ANKRD24: variants seen among roughly 807,000 people sequenced by gnomAD.
The protein encoded by ANKRD24 is ankyrin repeat domain 24, also known as ankyrin repeat domain-containing protein 24.
In ANKRD24, 109 loss-of-function variants were observed where a neutral mutation model predicts 127.8. The ratio of observed to expected loss-of-function variants is 0.85; its 90% CI spans 0.73 to 1.00. The LOEUF is 1.00. Ranked by LOEUF, ANKRD24 falls within the 50% of genes least tolerant of loss-of-function variation. ANKRD24 has a pLI of 0.00. For synonymous variants in ANKRD24, 743 were observed against 671.1 expected (o/e 1.11, Z -1.66); for missense variants, 1,648 against 1,570.2 (o/e 1.05, Z -0.84).
Position 4,207,605 on chromosome 19 carries a change from C to G in ANKRD24, c.642C>G (p.Gly214=), listed in dbSNP as rs762394605. The change falls in exon 9 of 22, where the codon GGC becomes GGG. Residue 214 remains glycine, a splice_region_variant and synonymous_variant. Coordinates refer to ENST00000318934, the MANE Select transcript of ANKRD24 (RefSeq NM_001393985.1). ...CCGCGAACGATCAGGACCTGCAAGG[C>G]AGGTGAGCATCTCCCCTCCCAGCCA... ...GAAANDQDLQ[G]RTALMLACEG... is the part of the protein sequence containing the mutation. 1.2e-6 allele frequency: 2 copies of G among 1,613,756 alleles called. No individual in the cohort carries two copies. The highest frequency in any genetic ancestry group is 2.2e-5 in the South Asian group (2 of 91,082).
At chr19:4,219,820 A>G (rs1313252656) in intron 19 of ANKRD24, 62 bp downstream of exon 19, 6 of 1,500,208 alleles carry the variant, frequency 4.0e-6, no homozygotes, top group South Asian at 1.3e-5. Flanking sequence ...GTTGGGGCCA[A>G]TCTACGAAGG....
chr19:4,206,523 G>T (rs1282313818), intron 7 of ANKRD24, among the ~76,000 whole-genome samples: 3 of 151,822 alleles, frequency 2.0e-5, no homozygotes, highest in Non-Finnish European at 2.9e-5. Flanking sequence ...CTTGTAGTGT[G>T]GGTCTCATTC....
intron 15 of ANKRD24, among the ~76,000 whole-genome samples, 190 bp from the exon 16 acceptor site, chr19:4,215,788 A>AT (rs1230710856): frequency 1.3e-5 from 2 of 149,698 alleles, no homozygotes; most frequent in African/African-American, 2.5e-5. Flanking sequence ...AAAAAAAAAA[A>AT]GTGGCACGGG....
chr19:4,224,743 C>T lies in ANKRD24; in HGVS notation c.*238C>T, dbSNP rs1200101553. ...GCCGTGACTGCCCCTCCCCCACCAC[C>T]GGAGACTGTGATTCCCTGTGTCCTC... On this transcript the variant is annotated 3_prime_UTR_variant, in exon 22 of 22. Transcript: ENST00000318934. The T allele has an allele frequency of 8.9e-6, 5 of 561,898 alleles. No individual in the cohort carries two copies. The highest frequency in any genetic ancestry group is 3.8e-5 in the African/African-American group (2 of 53,062). 34.8% of individuals were successfully genotyped at this position (561,898 alleles called of 1,614,324 possible). A position where few individuals can be genotyped will look rare whatever the true frequency, so the allele number is the denominator to read the frequency against.
rs377015655 is a variant in ANKRD24, at chr19:4,207,610, G to A, written c.644+3G>A. ...AACGATCAGGACCTGCAAGGCAGGTGAGCATCTCCCCTCCCAGCCAGTCCA... is the reference window on the plus strand; with the variant it reads ...AACGATCAGGACCTGCAAGGCAGGTAAGCATCTCCCCTCCCAGCCAGTCCA... On this transcript the variant is annotated splice_donor_region_variant and intron_variant, in intron 9 of 21. Coordinates refer to ENST00000318934, the MANE Select transcript of ANKRD24 (RefSeq NM_001393985.1). 71 of 1,612,670 alleles carry A rather than the reference G, an allele frequency of 4.4e-5. No homozygotes were observed. The highest frequency in any genetic ancestry group is 5.9e-5 in the Non-Finnish European group (70 of 1,178,840).
chr19:4,206,623 G>A (rs971021434), intron 7 of ANKRD24, among the ~76,000 whole-genome samples: 7 of 152,118 alleles, frequency 4.6e-5, no homozygotes, highest in Middle Eastern at 3.4e-3. Context: ...GCGAGACCCC[G>A]TCTCTACAAA....
rs562209248 is a variant in ANKRD24 at position 4,195,234 on chromosome 19, G to A, written c.37-4449G>A. ...ACTACAGGCGCCCACCACCACGCCCGGCTAATTTTTTGTATTTTTAGTAGA... is the reference window on the plus strand; with the variant it reads ...ACTACAGGCGCCCACCACCACGCCCAGCTAATTTTTTGTATTTTTAGTAGA... On this transcript the variant is annotated intron_variant, in intron 2 of 21. Coordinates refer to ENST00000318934, the MANE Select transcript of ANKRD24 (RefSeq NM_001393985.1). The surrounding 1 kb of genome is among the most constrained non-coding windows in gnomAD (Gnocchi z 4.2). 1.2e-4 allele frequency among the ~76,000 whole-genome samples: 18 copies of A among 152,014 alleles called. No individual in the cohort carries two copies. The highest frequency in any genetic ancestry group is 4.2e-4 in the South Asian group (2 of 4,814).
chr19:4,207,533 G>T lies in ANKRD24; in HGVS notation c.570G>T (p.Gln190His). 1.2e-6 allele frequency: 2 copies of T among 1,613,966 alleles called. No individual in the cohort carries two copies. Among genetic ancestry groups the T allele is most frequent in the Non-Finnish European group, 1.7e-6 (2 of 1,179,900 alleles). Residue 190 changes from glutamine (Q) to histidine (H), a missense_variant, in exon 9 of 22, where the codon CAG becomes CAT. Coordinates refer to ENST00000318934, the MANE Select transcript of ANKRD24 (RefSeq NM_001393985.1). Reference protein sequence around the residue: ...SGATPLIIAAQMCHTDLCRLL... With the variant: ...SGATPLIIAAHMCHTDLCRLL... Reference sequence around the variant, plus strand: ...CAACACCCCTCATTATAGCAGCTCAGATGTGTCACACAGACCTGTGCCGTC... The same window carrying T: ...CAACACCCCTCATTATAGCAGCTCATATGTGTCACACAGACCTGTGCCGTC...
chr19:4,182,965 T>TTGTGTGTG (rs57280997), intron 1 of ANKRD24, among the ~76,000 whole-genome samples: 6,942 of 138,554 alleles, frequency 0.05, 207 homozygotes, highest in Non-Finnish European at 0.06. Flanking sequence ...AATATCTCAT[T>TTGTGTGTG]TGTGTGTGTG....
chr19:4,197,369 T>G (rs1599411757), intron 2 of ANKRD24, among the ~76,000 whole-genome samples: 1 of 58,360 alleles, frequency 1.7e-5, no homozygotes, highest in East Asian at 4.6e-4. Flanking sequence ...AGTGTGGGAA[T>G]GAATGAATGA....
Position 4,212,682 on chromosome 19 carries a change from G to GGC in ANKRD24, c.1182_1183dup (p.Leu395ArgfsTer16). The GGC allele has an allele frequency of 6.4e-7, 1 of 1,550,972 alleles. No individual in the cohort carries two copies. ...CGGGAGGTGGAGAGTTTGCAGAGCC[G>GGC]GCTGTCCCTGCTGGAGGTAGGAGCA... On this transcript the variant is annotated frameshift_variant, in exon 15 of 22. Transcript: ENST00000318934. LOFTEE classifies it high-confidence loss of function.
At chr19:4,203,022 G>T in intron 7 of ANKRD24, 96 bp downstream of exon 7, 1 of 991,474 alleles carries the variant, frequency 1.0e-6, no homozygotes, top group Non-Finnish European at 1.4e-6. Context: ...GACCTGCTGT[G>T]AAGCTTCCTG....
chr19:4,186,536 T>C (rs1968074500), intron 2 of ANKRD24, 75 bp downstream of exon 2: 1 of 1,504,214 alleles, frequency 6.6e-7, no homozygotes, highest in East Asian at 2.5e-5. Context: ...TGGCTGAAGA[T>C]CCACCCTTTC....
rs1202537141 is a variant in ANKRD24, at chr19:4,198,547, G to A, written c.37-1136G>A. The A allele has an allele frequency of 1.8e-6, 1 of 560,486 alleles. No individual in the cohort carries two copies. The highest frequency in any genetic ancestry group is 2.1e-5 in the South Asian group (1 of 48,756). 34.7% of individuals were successfully genotyped at this position (560,486 alleles called of 1,614,324 possible). A position where few individuals can be genotyped will look rare whatever the true frequency, so the allele number is the denominator to read the frequency against. ...CCTCCTTCGCGGTAGGGCCCGGGGA[G>A]GGGGCGCAGGAGCGGGCGGGGCGCG... On this transcript the variant is annotated intron_variant, in intron 2 of 21. Transcript: ENST00000318934. The surrounding 1 kb of genome is among the most constrained non-coding windows in gnomAD (Gnocchi z 6.1).
intron 7 of ANKRD24, among the ~76,000 whole-genome samples, chr19:4,205,588 CT>C (rs1241445350): frequency 6.6e-6 from 1 of 152,180 alleles, no homozygotes; most frequent in Non-Finnish European, 1.5e-5. Flanking sequence ...TGGTGCACGC[CT>C]GTAATCCTAG....
At position 4,202,066 on chromosome 19, in the gene ANKRD24, A is replaced by G. The variant is rs201471234; in HGVS notation, c.384A>G (p.Pro128=). The G allele has an allele frequency of 1.9e-6, 3 of 1,613,886 alleles. No individual in the cohort carries two copies. Among genetic ancestry groups the G allele is most frequent in the East Asian group, 2.2e-5 (1 of 44,874 alleles). Residue 128 remains proline, a synonymous_variant, in exon 6 of 22, where the codon CCA becomes CCG. Transcript: ENST00000318934. The part of the protein sequence containing the change: ...ALHLAAKYGH[P]QCLKQLLQAS... The stretch of plus-strand genomic sequence containing the variant: ...ACCTGGCCGCCAAATACGGGCACCC[A>G]CAGTGCTTGAAGCAACTACTGCAGG...
chr19:4,207,887 G>C lies in ANKRD24; in HGVS notation c.751G>C (p.Ala251Pro). 6.4e-7 allele frequency: 1 copy of C among 1,556,532 alleles called. No homozygotes were observed. Among genetic ancestry groups the C allele is most frequent in the Non-Finnish European group, 8.7e-7 (1 of 1,152,924 alleles). The change falls in exon 10 of 22, where the codon GCT becomes CCT. Residue 251 changes from alanine to proline, a missense_variant. Transcript: ENST00000318934. ...CACCGATGCGCTGGGGCAGGACGCG[G>C]CTCACTATGGCGCCCTGGCGGGGGA... ...GITDALGQDA[A>P]HYGALAGDKL... is the part of the protein sequence containing the mutation.
chr19:4,202,630 C>T (rs117709875), intron 6 of ANKRD24, among the ~76,000 whole-genome samples: 2 of 152,278 alleles, frequency 1.3e-5, no homozygotes, highest in East Asian at 3.9e-4. Flanking sequence ...TCCCCAAGCC[C>T]TGGGTCCTTC....
At chr19:4,208,488 G>A (rs1161456394) in intron 10 of ANKRD24, among the ~76,000 whole-genome samples, 1 of 152,026 alleles carries the variant, frequency 6.6e-6, no homozygotes, top group East Asian at 2.0e-4. Flanking sequence ...TCGCCACGTT[G>A]GCCAGGCTGG....
Sources: allele counts gnomAD v4.1 joint callset (sites outside exome capture counted in the v4.1 genomes callset), GRCh38; gene constraint gnomAD v4.1.1; non-coding constraint Gnocchi (gnomAD v3.1); transcripts MANE v1.5; gene names NCBI Gene and HGNC (gene_info 2026-07-23, HGNC 2026-07-21).